The following GPLD1 variants were observed in gnomAD, a reference collection of about 807,000 sequenced individuals.
GPLD1 encodes phosphatidylinositol-glycan-specific phospholipase D.
A neutral mutation model predicts 112.6 loss-of-function variants in GPLD1; 84 were observed. The ratio of observed to expected loss-of-function variants is 0.75; its 90% CI spans 0.63 to 0.89. GPLD1 has a LOEUF of 0.89. Ranked by LOEUF, GPLD1 falls within the 40% of genes least tolerant of loss-of-function variation. The pLI, the probability that GPLD1 is intolerant of heterozygous loss-of-function variation, is 0.00. For missense variants in GPLD1, 1,044 were observed against 1,051.5 expected (o/e 0.99, Z 0.10); for synonymous variants, 386 against 403.8 (o/e 0.96, Z 0.53).
intron 10 of GPLD1, among the ~76,000 whole-genome samples, chr6:24,466,303 G>A (rs776161402): frequency 2.0e-5 from 3 of 152,192 alleles, no homozygotes; most frequent in East Asian, 1.9e-4. Context: ...AGCCGAGATC[G>A]TGCCACTGTA....
chr6:24,487,037 A>T (rs574220823), intron 1 of GPLD1, among the ~76,000 whole-genome samples: 1 of 152,302 alleles, frequency 6.6e-6, no homozygotes, highest in African/African-American at 2.4e-5. Context: ...GAGGACTAAC[A>T]TTCCCTGGGA....
chr6:24,433,023 TTTCCACCAA>T (rs1762456106), intron 24 of GPLD1, among the ~76,000 whole-genome samples, 155 bp downstream of exon 24: 1 of 152,220 alleles, frequency 6.6e-6, no homozygotes, highest in Non-Finnish European at 1.5e-5. Context: ...AAAGGGAAAC[TTTCCACCAA>T]GGAAGTGATG....
chr6:24,490,651 C>A (rs574729952), upstream of GPLD1, among the ~76,000 whole-genome samples: 82 of 151,812 alleles, frequency 5.4e-4, no homozygotes, highest in African/African-American at 1.9e-3. Context: ...ACTGGGGAGG[C>A]TGAGGTGGGA....
chr6:24,430,251 C>T (rs1180638928), intron 24 of GPLD1, among the ~76,000 whole-genome samples: 1 of 152,220 alleles, frequency 6.6e-6, no homozygotes, highest in Non-Finnish European at 1.5e-5. Flanking sequence ...CGGCTTCACT[C>T]TGTTTTGTCA....
intron 20 of GPLD1, among the ~76,000 whole-genome samples, chr6:24,439,298 G>A (rs28706811): frequency 6.8e-6 from 1 of 147,304 alleles, no homozygotes; most frequent in Non-Finnish European, 1.5e-5. Context: ...CCAAGGTCTA[G>A]CTTTCGGAGC....
intron 14 of GPLD1, 142 bp from the exon 15 acceptor site, chr6:24,450,041 T>C (rs1222924989): frequency 1.7e-6 from 1 of 586,954 alleles, no homozygotes; most frequent in Admixed American, 3.1e-5. Flanking sequence ...CTATAACATA[T>C]CTGCAACACA....
chr6:24,474,034 G>A (rs1581777485), intron 5 of GPLD1, among the ~76,000 whole-genome samples: 1 of 152,104 alleles, frequency 6.6e-6, no homozygotes, highest in East Asian at 1.9e-4. Context: ...GCTGAGGCAG[G>A]AGAATCACTT....
intron 1 of GPLD1, 55 bp downstream of exon 1, chr6:24,489,360 T>C: frequency 3.1e-6 from 4 of 1,275,568 alleles, no homozygotes; most frequent in Admixed American, 1.7e-5. Flanking sequence ...TCTTCCTTAA[T>C]GTCTTTGACA....
At chr6:24,447,707 G>A (rs1359179079) in intron 17 of GPLD1, among the ~76,000 whole-genome samples, 170 bp downstream of exon 17, 1 of 152,148 alleles carries the variant, frequency 6.6e-6, no homozygotes, top group Non-Finnish European at 1.5e-5. Flanking sequence ...TGTATTTTCA[G>A]TGAATCTATG....
intron 10 of GPLD1, among the ~76,000 whole-genome samples, chr6:24,465,739 TC>T (rs869134633): frequency 6.7e-6 from 1 of 149,650 alleles, no homozygotes; most frequent in Admixed American, 6.7e-5. Flanking sequence ...TTAATTCTTG[TC>T]CTGAGCATGC....
intron 24 of GPLD1, among the ~76,000 whole-genome samples, chr6:24,430,451 G>A (rs184025107): frequency 6.6e-6 from 1 of 152,286 alleles, no homozygotes; most frequent in Admixed American, 6.5e-5. Flanking sequence ...ACCTGGGGCT[G>A]GGACCATGTC....
chr6:24,454,736 TAC>T (rs1763213382), intron 13 of GPLD1, among the ~76,000 whole-genome samples: 1 of 152,228 alleles, frequency 6.6e-6, no homozygotes, highest in African/African-American at 2.4e-5. Context: ...AGCCACCAGT[TAC>T]AGAGCTGGAT....
chr6:24,454,213 G>A lies in GPLD1; in HGVS notation c.1149-12C>T. On this transcript the variant is annotated splice_polypyrimidine_tract_variant and intron_variant, in intron 13 of 24. Transcript: ENST00000230036. ...CTGAGGTCATTGCCCTTAGGGAAGTGAAGGGACCCACCATGGTATGCACTG... is the reference window on the plus strand; with the variant it reads ...CTGAGGTCATTGCCCTTAGGGAAGTAAAGGGACCCACCATGGTATGCACTG... 1 of 1,600,584 alleles carries A rather than the reference G, an allele frequency of 6.2e-7. No homozygotes were observed. The highest frequency in any genetic ancestry group is 1.1e-5 in the South Asian group (1 of 89,396).
chr6:24,458,274 A>T (rs1348860644), intron 12 of GPLD1, among the ~76,000 whole-genome samples: 1 of 152,116 alleles, frequency 6.6e-6, no homozygotes, highest in Non-Finnish European at 1.5e-5. Context: ...AGGCACGAGT[A>T]TGCCTTCTGC....
rs143820818 is a variant in GPLD1, at chr6:24,460,440, AAAC to A, written c.888-44_888-42del. ...AGGAATAAACTGGTTACGACTGAGAAAACAACCCCCTGTAAAACTGAGTTGAAG... is the reference window on the plus strand; with the variant it reads ...AGGAATAAACTGGTTACGACTGAGAAAACCCCCTGTAAAACTGAGTTGAAG... On this transcript the variant is annotated intron_variant, in intron 11 of 24. Transcript: ENST00000230036. 2.3e-3 allele frequency: 3,635 copies of A among 1,604,070 alleles called. 54 individuals are homozygous for A. In the African/African-American group the frequency reaches 0.04, roughly 17 times the overall value.
Position 24,467,282 on chromosome 6 carries a change from A to G in GPLD1, c.546-8T>C. ...TCTTTGACTGGCACATACCTGAAAA[A>G]TGCAGAATAAAGTAAGAGTTGTTTT... On this transcript the variant is annotated splice_region_variant and splice_polypyrimidine_tract_variant and intron_variant, in intron 7 of 24. Transcript: ENST00000230036. 7.0e-7 allele frequency: 1 copy of G among 1,436,584 alleles called. No homozygotes were observed. Among genetic ancestry groups the G allele is most frequent in the Non-Finnish European group, 9.8e-7 (1 of 1,018,782 alleles). 89.0% of individuals were successfully genotyped at this position (1,436,584 alleles called of 1,614,324 possible).
rs1763277502 is a variant in GPLD1 at position 24,456,625 on chromosome 6, A to C, written c.1021T>G (p.Phe341Val). Residue 341 changes from phenylalanine to valine, a missense_variant, in exon 13 of 25, where the codon TTT (phenylalanine) becomes GTT (valine). Physicochemically the swap from Phe to Val is conservative, Grantham distance 50. Transcript: ENST00000230036. ...TTCCTTTCCAAAGCCTTGTAGATAAAGGACATGGAATCCTGAAATAAAAGA... is the reference window on the plus strand; with the variant it reads ...TTCCTTTCCAAAGCCTTGTAGATAACGGACATGGAATCCTGAAATAAAAGA... ...VNSWTPDSMS[F>V]IYKALERNIR... The C allele has an allele frequency of 6.3e-7, 1 of 1,598,044 alleles. No individual in the cohort carries two copies.
chr6:24,425,873 G>T lies in GPLD1; in HGVS notation c.*3159C>A, dbSNP rs1410665760. ...TATTTATTTTGGTGAGTTATTCCAA[G>T]AGTTGTATACAGCTTTATTTTTTGG... On this transcript the variant is annotated 3_prime_UTR_variant, in exon 25 of 25. Transcript: ENST00000230036. 2 of 152,184 alleles carry T rather than the reference G, an allele frequency of 1.3e-5. No homozygotes were observed. The highest frequency in any genetic ancestry group is 4.8e-5 in the African/African-American group (2 of 41,458). 9.4% of individuals were successfully genotyped at this position (152,184 alleles called of 1,614,324 possible).
chr6:24,490,751 CA>C (rs35483701), upstream of GPLD1, among the ~76,000 whole-genome samples: 38,717 of 134,770 alleles, frequency 0.29, 5,179 homozygotes, highest in Non-Finnish European at 0.32. Context: ...GACCCTGTCT[CA>C]AAAAAAAAAA....
Sources: gnomAD v4.1 joint callset for allele counts (sites outside exome capture counted in the v4.1 genomes callset) on GRCh38, gnomAD v4.1.1 for gene constraint, MANE v1.5 for transcripts, NCBI Gene and HGNC (gene_info 2026-07-23, HGNC 2026-07-21) for gene names.